Variants in PSG9 observed in about 807,000 individuals in gnomAD.
The protein encoded by PSG9 is pregnancy-specific beta-1-glycoprotein 9.
PSG9 carries 49 observed loss-of-function variants against 41.9 expected under a neutral mutation model. That is an observed-to-expected ratio of 1.17 (90% confidence interval 0.93 to 1.48). The LOEUF is 1.48. Among genes scored for constraint, PSG9 ranks in the 40% most tolerant of loss-of-function variants. PSG9 has a pLI of 0.00. For synonymous variants in PSG9, 263 were observed against 196.8 expected, an observed-to-expected ratio of 1.34 and a Z score of -2.82; for missense variants, 641 against 520.3, an observed-to-expected ratio of 1.23 and a Z score of -2.26.
At position 43,261,965 on chromosome 19, in the gene PSG9, G is replaced by C. The variant is rs761771223; in HGVS notation, c.604C>G (p.Leu202Val). Reference protein sequence around the residue: ...RLQLSKTNRTLYLFGVTKYIA... With the variant: ...RLQLSKTNRTVYLFGVTKYIA... ...TACTTTGTGACACCAAATAGATAGA[G>C]GGTCCTGTTGGTTTTGGACAGCTGC... Residue 202 changes from leucine (L) to valine (V), a missense_variant, in exon 3 of 6, where the codon CTC becomes GTC. Physicochemically the swap from Leu to Val is conservative, Grantham distance 32. Coordinates refer to ENST00000270077, the MANE Select transcript of PSG9 (RefSeq NM_002784.5). The C allele has an allele frequency of 3.0e-5, 49 of 1,614,058 alleles. No homozygotes were observed. Among genetic ancestry groups the C allele is most frequent in the Non-Finnish European group, 3.8e-5 (45 of 1,179,948 alleles).
At chr19:43,265,019 C>G (rs1354434432) in intron 2 of PSG9, among the ~76,000 whole-genome samples, 2 of 152,134 alleles carry the variant, frequency 1.3e-5, no homozygotes, top group African/African-American at 2.4e-5. Context: ...TACACAGTGA[C>G]AGGAAACTAG....
chr19:43,255,884 T>G (rs8105724), intron 5 of PSG9, among the ~76,000 whole-genome samples: 98,379 of 145,556 alleles, frequency 0.68, 36,473 homozygotes, highest in East Asian at 0.9. Context: ...GACATTTTGT[T>G]TTCATGAATT....
At chr19:43,263,098 T>G (rs1454634128) in intron 2 of PSG9, among the ~76,000 whole-genome samples, 2 of 152,144 alleles carry the variant, frequency 1.3e-5, no homozygotes, top group African/African-American at 4.8e-5. Flanking sequence ...GACATTCTAC[T>G]GTCTGATCTG....
rs773779293 is a variant in PSG9, at chr19:43,258,843, C to T, written c.988+14G>A. 1 of 1,586,590 alleles carries T rather than the reference C, an allele frequency of 6.3e-7. No individual in the cohort carries two copies. The highest frequency in any genetic ancestry group is 1.1e-5 in the South Asian group (1 of 89,556). On this transcript the variant is annotated intron_variant, in intron 4 of 5. Coordinates refer to ENST00000270077, the MANE Select transcript of PSG9 (RefSeq NM_002784.5). Reference sequence around the variant, plus strand: ...GCTGGTGTCCTGGCCCACAGAGGAACAAAAGATACTCACAGAGGACATTTA... The same window carrying T: ...GCTGGTGTCCTGGCCCACAGAGGAATAAAAGATACTCACAGAGGACATTTA...
intron 4 of PSG9, 120 bp downstream of exon 4, chr19:43,258,737 C>G: frequency 2.0e-6 from 3 of 1,474,470 alleles, no homozygotes; most frequent in Non-Finnish European, 2.7e-6. Flanking sequence ...TCATGGCCAC[C>G]TCGGATGTCT....
In PSG9 at chr19:43,261,830, C is replaced by G. The variant is rs368574819; in HGVS notation, c.709+30G>C. On this transcript the variant is annotated intron_variant, in intron 3 of 5. Coordinates refer to ENST00000270077, the MANE Select transcript of PSG9 (RefSeq NM_002784.5). Reference sequence around the variant, plus strand: ...GGCCATGTGTATTTGGGATGGCAGCCTGGCTCACAGAGGAACAGAAGATAC... The same window carrying G: ...GGCCATGTGTATTTGGGATGGCAGCGTGGCTCACAGAGGAACAGAAGATAC... 1.9e-6 allele frequency: 3 copies of G among 1,614,050 alleles called. 1 individual carries two copies. Among genetic ancestry groups the G allele is most frequent in the Non-Finnish European group, 2.5e-6 (3 of 1,179,922 alleles).
Position 43,258,575 on chromosome 19 carries a change from G to C in PSG9, c.989-119C>G, listed in dbSNP as rs530263941. ...GACACACCCTCAAGTCCCAGCCAAA[G>C]TCCCTCTATGTTCACTGAGCTGAAG... is the stretch of plus-strand genomic sequence containing the variant. On this transcript the variant is annotated intron_variant, in intron 4 of 5. Coordinates refer to ENST00000270077, the MANE Select transcript of PSG9 (RefSeq NM_002784.5). The C allele has an allele frequency of 3.0e-5, 43 of 1,415,560 alleles. 4 individuals carry two copies. Among genetic ancestry groups the C allele is most frequent in the Middle Eastern group, 2.5e-4 (1 of 4,022 alleles). The allele number at this position is 1,415,560 out of a possible 1,614,324, so 87.7% of individuals were successfully genotyped here.
chr19:43,268,683 G>A (rs370887357), intron 1 of PSG9, among the ~76,000 whole-genome samples: 13 of 152,298 alleles, frequency 8.5e-5, no homozygotes, highest in East Asian at 3.9e-4. Context: ...CAGTGCCTGG[G>A]ACAGGCTGCA....
At position 43,267,971 on chromosome 19, in the gene PSG9, C is replaced by A. The variant is rs376642216; in HGVS notation, c.243G>T (p.Ser81=). The A allele has an allele frequency of 1.2e-6, 2 of 1,613,436 alleles. No homozygotes were observed. The highest frequency in any genetic ancestry group is 2.2e-5 in the East Asian group (1 of 44,876). The change falls in exon 2 of 6, where the codon TCG becomes TCT. Residue 81 remains serine (S), a synonymous_variant. Transcript: ENST00000270077. ...EMTDLYHYII[S]YIVDGKIIIY... Reference sequence around the variant, plus strand: ...TAATTATTTTACCATCAACTATATACGATATAATGTAATGGTAGAGGTCCG... The same window carrying A: ...TAATTATTTTACCATCAACTATATAAGATATAATGTAATGGTAGAGGTCCG...
At chr19:43,260,844 C>G (rs551595770) in intron 3 of PSG9, 79 of 152,164 alleles carry the variant, frequency 5.2e-4, no homozygotes, top group African/African-American at 1.8e-3. Flanking sequence ...AATGAAATGT[C>G]TTTCCATATA....
chr19:43,261,923 C>T lies in PSG9; in HGVS notation c.646G>A (p.Glu216Lys). The T allele has an allele frequency of 6.2e-7, 1 of 1,614,058 alleles. No individual in the cohort carries two copies. Among genetic ancestry groups the T allele is most frequent in the Non-Finnish European group, 8.5e-7 (1 of 1,179,950 alleles). Residue 216 changes from glutamate to lysine, a missense_variant, in exon 3 of 6, where the codon GAA becomes AAA. Physicochemically the swap from Glu to Lys is moderately conservative, Grantham distance 56. Transcript: ENST00000270077. The stretch of plus-strand genomic sequence containing the variant: ...CTCACTGGGTTCCGTATTTCACATT[C>T]ATAGGGTCCTGCAATATACTTTGTG... ...GVTKYIAGPY[E>K]CEIRNPVSAS...
At chr19:43,262,317 G>T (rs1275303912) in intron 2 of PSG9, among the ~76,000 whole-genome samples, 179 bp from the exon 3 acceptor site, 1 of 152,116 alleles carries the variant, frequency 6.6e-6, no homozygotes, top group African/African-American at 2.4e-5. Context: ...AGATTGTGAG[G>T]CTGCCTGCTT....
chr19:43,260,107 C>T (rs866132713), intron 3 of PSG9: 2 of 146,038 alleles, frequency 1.4e-5, no homozygotes, highest in African/African-American at 2.6e-5. Context: ...CCCCTGGGTT[C>T]GACTACTCTA....
At chr19:43,263,127 A>T (rs539231113) in intron 2 of PSG9, among the ~76,000 whole-genome samples, 1 of 152,200 alleles carries the variant, frequency 6.6e-6, no homozygotes, top group East Asian at 1.9e-4. Flanking sequence ...TACTCTATGT[A>T]CCTCCTATCA....
intron 2 of PSG9, among the ~76,000 whole-genome samples, chr19:43,264,752 A>T (rs527698958): frequency 6.6e-6 from 1 of 152,280 alleles, no homozygotes; most frequent in Admixed American, 6.5e-5. Context: ...GAGCCCAGCC[A>T]TCTCTGAGGG....
chr19:43,256,699 A>G lies in PSG9; in HGVS notation c.1243+1503T>C, dbSNP rs1356713232. Among the ~76,000 whole-genome samples, 2 of 146,672 alleles carry G rather than the reference A, an allele frequency of 1.4e-5. 1 individual carries two copies. The highest frequency in any genetic ancestry group is 5.2e-5 in the African/African-American group (2 of 38,652). On this transcript the variant is annotated intron_variant, in intron 5 of 5. Coordinates refer to ENST00000270077, the MANE Select transcript of PSG9 (RefSeq NM_002784.5). ...ACAACAACAATGACAACAACACAAA[A>G]CAACAGGTGTTTGCAAGTAGATGGA...
rs114293840 is a variant in PSG9, at chr19:43,262,072, C to A, written c.497G>T (p.Arg166Leu). ...LNPREAMEAV[R>L]LICDPETLDA... Reference sequence around the variant, plus strand: ...CAGAGTCTCAGGATCACAGATTAAGCGCACAGCCTCCATGGCCTCCCTGGG... The same window carrying A: ...CAGAGTCTCAGGATCACAGATTAAGAGCACAGCCTCCATGGCCTCCCTGGG... The change falls in exon 3 of 6, where the codon CGC (arginine) becomes CTC (leucine). Residue 166 changes from arginine (R) to leucine (L), a missense_variant. Transcript: ENST00000270077. 2 of 1,613,940 alleles carry A rather than the reference C, an allele frequency of 1.2e-6. No individual in the cohort carries two copies. The highest frequency in any genetic ancestry group is 2.2e-5 in the East Asian group (1 of 44,880).
chr19:43,261,740 C>A (rs566174398), intron 3 of PSG9, 120 bp downstream of exon 3: 44 of 1,609,896 alleles, frequency 2.7e-5, no homozygotes, highest in South Asian at 2.4e-4. Context: ...TCATGGCCAG[C>A]TTTGATGTCT....
intron 5 of PSG9, 110 bp from the exon 6 acceptor site, chr19:43,253,756 T>A (rs1345971689): frequency 3.1e-6 from 2 of 655,496 alleles, no homozygotes; most frequent in African/African-American, 4.0e-5. Flanking sequence ...AGCCTAGTTC[T>A]CTGAGGCTCT....
Sources: allele counts gnomAD v4.1 joint callset (sites outside exome capture counted in the v4.1 genomes callset), GRCh38; gene constraint gnomAD v4.1.1; transcripts MANE v1.5; gene names NCBI Gene and HGNC (gene_info 2026-07-23, HGNC 2026-07-21).